The following AP3M2 variants were observed in gnomAD, a reference collection of about 807,000 sequenced individuals.
AP3M2 encodes the protein adaptor related protein complex 3 subunit mu 2.
AP3M2 carries 28 observed loss-of-function variants against 41.6 expected under a neutral mutation model. The ratio of observed to expected loss-of-function variants is 0.67; its 90% CI spans 0.50 to 0.92. The LOEUF (loss-of-function observed/expected upper bound fraction) is 0.92, where lower values mean the gene tolerates loss of function less well. AP3M2 is among the 40% of genes least tolerant of loss of function. The probability of loss-of-function intolerance (pLI) is 0.00; values close to 1 mark genes in which losing one functional copy is unlikely to be tolerated. For missense variants in AP3M2, 427 were observed against 521.4 expected, an observed-to-expected ratio of 0.82 and a Z score of 1.76; for synonymous variants, 193 against 186.4, an observed-to-expected ratio of 1.04 and a Z score of -0.29.
chr8:42,162,464 A>C (rs1437511303), intron 4 of AP3M2, 46 bp downstream of exon 4: 1 of 1,558,072 alleles, frequency 6.4e-7, no homozygotes. Context: ...ATAGAAAGGG[A>C]CCTCTTTCAT....
intron 2 of AP3M2, chr8:42,156,039 C>T (rs916648850): frequency 2.0e-5 from 7 of 351,908 alleles, no homozygotes; most frequent in African/African-American, 1.2e-4. Flanking sequence ...ACAGTGAAAA[C>T]GTAAGTATAA....
intron 1 of AP3M2, chr8:42,154,277 A>G (rs1046308655): frequency 5.6e-6 from 1 of 179,114 alleles, no homozygotes; most frequent in African/African-American, 2.4e-5. Flanking sequence ...CCCTCTTCAA[A>G]GAACACTGAT....
chr8:42,169,450 A>T lies in AP3M2; in HGVS notation c.*389A>T, dbSNP rs34361836. 15,890 of 155,490 alleles carry T rather than the reference A, an allele frequency of 0.1. 1,020 individuals are homozygous for T. The highest frequency in any genetic ancestry group is 0.19 in the East Asian group (1,017 of 5,328). 9.6% of individuals were successfully genotyped at this position (155,490 alleles called of 1,614,324 possible). On this transcript the variant is annotated 3_prime_UTR_variant, in exon 9 of 9. Coordinates refer to ENST00000396926, the MANE Select transcript of AP3M2 (RefSeq NM_006803.4). Reference sequence around the variant, plus strand: ...ATAGAAAGATTAAAAAGAAAGAAAGATGGGAAGAAAATGAATGTCAGTCAA... The same window carrying T: ...ATAGAAAGATTAAAAAGAAAGAAAGTTGGGAAGAAAATGAATGTCAGTCAA...
chr8:42,170,187 A>G lies in AP3M2; in HGVS notation c.*1126A>G, dbSNP rs1252566882. 6.6e-6 allele frequency: 1 copy of G among 152,222 alleles called. No homozygotes were observed. Among genetic ancestry groups the G allele is most frequent in the African/African-American group, 2.4e-5 (1 of 41,450 alleles). The allele number at this position is 152,222 out of a possible 1,614,324, so 9.4% of individuals were successfully genotyped here. ...GCCCTAGAAAAAGAGAAAGCTTACC[A>G]TCGAGGGTGTGGTTGATCCTTGAAG... On this transcript the variant is annotated 3_prime_UTR_variant, in exon 9 of 9. Transcript: ENST00000396926.
intron 4 of AP3M2, among the ~76,000 whole-genome samples, chr8:42,162,867 G>C (rs544409596): frequency 6.9e-6 from 1 of 144,568 alleles, no homozygotes; most frequent in South Asian, 2.1e-4. Context: ...GATTGCTTGA[G>C]CTTGGGAAGT....
intron 6 of AP3M2, among the ~76,000 whole-genome samples, chr8:42,166,599 A>G (rs1804644159): frequency 4.0e-5 from 6 of 150,256 alleles, no homozygotes; most frequent in Admixed American, 4.0e-4. Flanking sequence ...TACAAAAAAA[A>G]AAAAAAAAAA....
At chr8:42,167,906 T>G in intron 8 of AP3M2, 96 bp downstream of exon 8, 2 of 1,435,950 alleles carry the variant, frequency 1.4e-6, no homozygotes, top group Non-Finnish European at 1.9e-6. Context: ...GCTTCCTGTT[T>G]ACAAGGTTTA....
At chr8:42,155,988 T>A (rs1468898475) in intron 2 of AP3M2, 5 of 456,218 alleles carry the variant, frequency 1.1e-5, no homozygotes, top group African/African-American at 2.0e-5. Flanking sequence ...GTACTACTGT[T>A]CTGGAATTTC....
intron 1 of AP3M2, chr8:42,153,864 A>G (rs1350263019): frequency 6.6e-6 from 1 of 152,084 alleles, no homozygotes; most frequent in African/African-American, 2.4e-5. Flanking sequence ...TGATTGGATG[A>G]ATAAAGACCC....
Position 42,167,359 on chromosome 8 carries a change from C to A in AP3M2, c.999C>A (p.Asp333Glu), listed in dbSNP as rs749032635. The change falls in exon 7 of 9, where the codon GAC (aspartate) becomes GAA (glutamate). Residue 333 changes from aspartate to glutamate, a missense_variant. Physicochemically the swap from Asp to Glu is conservative, Grantham distance 45. Around this residue, in one of 3 missense-constraint regions of AP3M2, gnomAD observed 237 missense variants for 284.9 expected, o/e 0.83. Transcript: ENST00000396926. Reference protein sequence around the residue: ...LTPSQGTHTFDPVTKMLSWDV... With the variant: ...LTPSQGTHTFEPVTKMLSWDV... Reference sequence around the variant, plus strand: ...CATCACAGGGGACACACACATTCGACCCAGTCACAAAGGTAGGGATGAGCA... The same window carrying A: ...CATCACAGGGGACACACACATTCGAACCAGTCACAAAGGTAGGGATGAGCA... 6.2e-7 allele frequency: 1 copy of A among 1,614,090 alleles called. No homozygotes were observed. Among genetic ancestry groups the A allele is most frequent in the South Asian group, 1.1e-5 (1 of 91,080 alleles).
intron 8 of AP3M2, chr8:42,168,262 T>A (rs1434275308): frequency 4.4e-6 from 2 of 456,736 alleles, no homozygotes; most frequent in Non-Finnish European, 8.8e-6. Context: ...CAGTTCACTA[T>A]AGTCTGTGCC....
intron 2 of AP3M2, among the ~76,000 whole-genome samples, 185 bp downstream of exon 2, chr8:42,155,145 C>T (rs1023063433): frequency 2.6e-5 from 4 of 152,162 alleles, no homozygotes; most frequent in African/African-American, 9.7e-5. Flanking sequence ...TGCAAAATGA[C>T]AAATGGAATA....
intron 2 of AP3M2, among the ~76,000 whole-genome samples, chr8:42,157,663 G>T (rs1804392364): frequency 6.6e-6 from 1 of 152,172 alleles, no homozygotes; most frequent in South Asian, 2.1e-4. Flanking sequence ...TGTATTCTGT[G>T]TATTTTATCA....
intron 1 of AP3M2, chr8:42,153,579 C>CG (rs1176149674): frequency 7.9e-5 from 12 of 152,350 alleles, no homozygotes; most frequent in Non-Finnish European, 1.8e-4. Flanking sequence ...CGCCGGTTCG[C>CG]GGAATGGCCA....
At chr8:42,167,444 C>A in intron 7 of AP3M2, 73 bp downstream of exon 7, 1 of 1,545,744 alleles carries the variant, frequency 6.5e-7, no homozygotes, top group Non-Finnish European at 8.8e-7. Context: ...TGTGTAGACT[C>A]TAGACCTTGT....
At chr8:42,157,881 T>A in intron 2 of AP3M2, 60 bp from the exon 3 acceptor site, 2 of 1,449,828 alleles carry the variant, frequency 1.4e-6, no homozygotes, top group East Asian at 4.7e-5. Flanking sequence ...CACATTCTTT[T>A]ATTTATTTAT....
Position 42,160,133 on chromosome 8 carries a change from T to C in AP3M2, c.445+2021T>C, listed in dbSNP as rs546089467. On this transcript the variant is annotated intron_variant, in intron 3 of 8. Transcript: ENST00000396926. ...ACATGACACTCAAAGGAAATGCTCATTGGAGGATTTCAGATTTTTGAATTT... is the reference window on the plus strand; with the variant it reads ...ACATGACACTCAAAGGAAATGCTCACTGGAGGATTTCAGATTTTTGAATTT... Among the ~76,000 whole-genome samples, 5 of 152,312 alleles carry C rather than the reference T, an allele frequency of 3.3e-5. No homozygotes were observed. In the East Asian group the frequency reaches 5.8e-4, roughly 18 times the overall value.
In AP3M2 at chr8:42,167,528, C is replaced by G. The variant is rs189811529; in HGVS notation, c.1012-138C>G. Reference sequence around the variant, plus strand: ...ACTTAACAGTAACACGTAGGATTCTCAATGGAAAGATACCCAGAGGCAGCT... The same window carrying G: ...ACTTAACAGTAACACGTAGGATTCTGAATGGAAAGATACCCAGAGGCAGCT... On this transcript the variant is annotated intron_variant, in intron 7 of 8. Transcript: ENST00000396926. 7.6e-4 allele frequency: 1,039 copies of G among 1,370,288 alleles called. 8 individuals carry two copies. Among genetic ancestry groups the G allele is most frequent in the Non-Finnish European group, 2.0e-4 (197 of 1,001,336 alleles). 84.9% of individuals were successfully genotyped at this position (1,370,288 alleles called of 1,614,324 possible).
rs769873315 is a variant in AP3M2 at position 42,154,639 on chromosome 8, A to G, written c.-49A>G. 6.3e-7 allele frequency: 1 copy of G among 1,599,654 alleles called. No individual in the cohort carries two copies. The highest frequency in any genetic ancestry group is 1.3e-5 in the African/African-American group (1 of 74,436). On this transcript the variant is annotated 5_prime_UTR_variant, in exon 2 of 9. Transcript: ENST00000396926. ...AGAGTTGAAAACTTACAGAGTCCTGAGGCTTTCAGACTGAAAAAGGCTTTC... is the reference window on the plus strand; with the variant it reads ...AGAGTTGAAAACTTACAGAGTCCTGGGGCTTTCAGACTGAAAAAGGCTTTC...
Sources: allele counts gnomAD v4.1 joint callset (sites outside exome capture counted in the v4.1 genomes callset), GRCh38; gene constraint gnomAD v4.1.1; regional missense constraint gnomAD v4.1.1; transcripts MANE v1.5; gene names NCBI Gene and HGNC (gene_info 2026-07-23, HGNC 2026-07-21).